The following ANKS1B variants were observed in gnomAD, a reference collection of about 807,000 sequenced individuals.
The protein encoded by ANKS1B is ankyrin repeat and sterile alpha motif domain-containing protein 1B.
In ANKS1B, 36 loss-of-function variants were observed where a neutral mutation model predicts 148.3. The observed-to-expected ratio is 0.24, with a 90% CI of 0.19 to 0.32. The LOEUF is 0.32. Ranked by LOEUF, ANKS1B falls within the 10% of genes least tolerant of loss-of-function variation. ANKS1B has a pLI of 1.00. For missense variants in ANKS1B, 1,157 were observed against 1,542.6 expected (o/e 0.75, Z 4.19); for synonymous variants, 542 against 560.8 (o/e 0.97, Z 0.47).
intron 1 of ANKS1B, among the ~76,000 whole-genome samples, chr12:99,895,998 T>C (rs999207049): frequency 6.6e-6 from 1 of 151,320 alleles, no homozygotes; most frequent in Non-Finnish European, 1.5e-5. Flanking sequence ...TATAACATGA[T>C]GTTTTGATAT....
intron 17 of ANKS1B, among the ~76,000 whole-genome samples, chr12:98,835,467 TAAAC>T (rs1396563379): frequency 1.3e-5 from 2 of 152,204 alleles, no homozygotes; most frequent in Non-Finnish European, 2.9e-5. Context: ...TCAATCATGT[TAAAC>T]AAATACACTG....
chr12:98,829,142 G>GA lies in ANKS1B; in HGVS notation c.3066+31dup. On this transcript the variant is annotated intron_variant, in intron 19 of 26. Transcript: ENST00000683438. The surrounding 1 kb of genome is among the most constrained non-coding windows in gnomAD (Gnocchi z 5.2). ...TTAAAAGGCATTACCTGATATGGTT[G>GA]AAAAATATCACAAAGGCTTATAACA... 1 of 1,612,946 alleles carries GA rather than the reference G, an allele frequency of 6.2e-7. No homozygotes were observed. Among genetic ancestry groups the GA allele is most frequent in the Non-Finnish European group, 8.5e-7 (1 of 1,179,174 alleles).
chr12:98,781,597 G>A (rs2098737217), intron 23 of ANKS1B: 1 of 366,280 alleles, frequency 2.7e-6, no homozygotes, highest in African/African-American at 2.1e-5. Context: ...TAACTCCAAG[G>A]GTGCATTTGA....
intron 19 of ANKS1B, among the ~76,000 whole-genome samples, chr12:98,825,619 A>G (rs2099242468): frequency 6.6e-6 from 1 of 152,170 alleles, no homozygotes; most frequent in Non-Finnish European, 1.5e-5. Context: ...TGTAAATGGA[A>G]GCCTTCTATA....
At chr12:99,366,795 T>A (rs77557673) in intron 12 of ANKS1B, among the ~76,000 whole-genome samples, 2,483 of 152,134 alleles carry the variant, frequency 0.016, 71 homozygotes, top group African/African-American at 0.057. Flanking sequence ...TTTCTAACTA[T>A]GACTCAAAAT....
At chr12:99,329,305 A>G (rs2087048677) in intron 12 of ANKS1B, among the ~76,000 whole-genome samples, 1 of 151,916 alleles carries the variant, frequency 6.6e-6, no homozygotes, top group Non-Finnish European at 1.5e-5. Flanking sequence ...TGAAGACTAC[A>G]AAATTCCCTC....
At chr12:98,779,240 T>C (rs1040191420) in intron 24 of ANKS1B, among the ~76,000 whole-genome samples, 3 of 152,236 alleles carry the variant, frequency 2.0e-5, no homozygotes, top group Admixed American at 6.5e-5. Flanking sequence ...TTATTGGCAA[T>C]TGAAGTAGAA....
intron 16 of ANKS1B, among the ~76,000 whole-genome samples, chr12:99,056,613 A>G (rs1321171541): frequency 6.6e-6 from 1 of 152,202 alleles, no homozygotes; most frequent in Non-Finnish European, 1.5e-5. Flanking sequence ...CCAGCATTCA[A>G]GGCCGATTGA....
intron 9 of ANKS1B, among the ~76,000 whole-genome samples, chr12:99,619,900 C>T (rs2098024491): frequency 6.6e-6 from 1 of 152,150 alleles, no homozygotes; most frequent in Admixed American, 6.6e-5. Context: ...GTTCCAGTAC[C>T]ATCTATCTTA....
intron 12 of ANKS1B, among the ~76,000 whole-genome samples, chr12:99,304,962 C>T (rs2082151550): frequency 6.6e-6 from 1 of 151,950 alleles, no homozygotes; most frequent in Non-Finnish European, 1.5e-5. Context: ...GGAAAAGAGG[C>T]TTATTGGCTC....
intron 8 of ANKS1B, among the ~76,000 whole-genome samples, chr12:99,760,675 T>TAAATA (rs891691324): frequency 6.7e-6 from 1 of 149,866 alleles, no homozygotes; most frequent in Admixed American, 6.7e-5. Flanking sequence ...AGAAAAGAAA[T>TAAATA]AAATAAAATA....
intron 12 of ANKS1B, among the ~76,000 whole-genome samples, chr12:99,318,170 C>T (rs983889990): frequency 6.6e-6 from 1 of 152,186 alleles, no homozygotes; most frequent in South Asian, 2.1e-4. Flanking sequence ...CAGGATGATG[C>T]TGTCCTCATA....
At chr12:99,928,684 T>C (rs1225916688) in intron 1 of ANKS1B, among the ~76,000 whole-genome samples, 1 of 152,226 alleles carries the variant, frequency 6.6e-6, no homozygotes, top group African/African-American at 2.4e-5. Flanking sequence ...CTAAGTAGCA[T>C]AATTGTGAAT....
chr12:99,579,831 C>T (rs957493421), intron 9 of ANKS1B, among the ~76,000 whole-genome samples: 2 of 152,098 alleles, frequency 1.3e-5, no homozygotes, highest in Non-Finnish European at 2.9e-5. Flanking sequence ...CCATTCAATC[C>T]AGCAATCCTA....
At chr12:98,867,266 GGAAA>G in intron 17 of ANKS1B, among the ~76,000 whole-genome samples, 1 of 152,126 alleles carries the variant, frequency 6.6e-6, no homozygotes, top group Non-Finnish European at 1.5e-5. Flanking sequence ...CACATCTCAA[GGAAA>G]GACTCTTCTG....
intron 16 of ANKS1B, among the ~76,000 whole-genome samples, chr12:99,077,840 C>T (rs2048350817): frequency 6.6e-6 from 1 of 152,190 alleles, no homozygotes; most frequent in Non-Finnish European, 1.5e-5. Flanking sequence ...AAGAATGTCA[C>T]ATTCCTAATA....
intron 1 of ANKS1B, among the ~76,000 whole-genome samples, chr12:99,981,114 T>C (rs2095696148): frequency 6.6e-6 from 1 of 152,062 alleles, no homozygotes; most frequent in South Asian, 2.1e-4. Context: ...TACAGTCAAG[T>C]GCTTTAGAGG....
chr12:99,301,674 G>A (rs1255251347), intron 12 of ANKS1B, among the ~76,000 whole-genome samples: 2 of 151,838 alleles, frequency 1.3e-5, no homozygotes, highest in African/African-American at 4.8e-5. Context: ...CAATAGACTT[G>A]GTTTCCCAAA....
intron 22 of ANKS1B, among the ~76,000 whole-genome samples, chr12:98,789,351 CA>C (rs1391807879): frequency 6.6e-6 from 1 of 151,544 alleles, no homozygotes; most frequent in Non-Finnish European, 1.5e-5. Context: ...AAAACAAAAA[CA>C]AAAAACCTGA....
Sources: allele counts gnomAD v4.1 joint callset (sites outside exome capture counted in the v4.1 genomes callset), GRCh38; gene constraint gnomAD v4.1.1; non-coding constraint Gnocchi (gnomAD v3.1); transcripts MANE v1.5; gene names NCBI Gene and HGNC (gene_info 2026-07-23, HGNC 2026-07-21).